The following CARMIL1 variants were observed in gnomAD, a reference collection of about 807,000 sequenced individuals.
CARMIL1 encodes capping protein regulator and myosin 1 linker 1.
Under a neutral mutation model 177.1 loss-of-function variants are expected in CARMIL1, and 90 were observed. The ratio of observed to expected loss-of-function variants is 0.51; its 90% CI spans 0.43 to 0.61. The LOEUF (loss-of-function observed/expected upper bound fraction) is 0.61, where lower values mean the gene tolerates loss of function less well. Ranked by LOEUF, CARMIL1 falls within the 20% of genes least tolerant of loss-of-function variation. The probability of loss-of-function intolerance (pLI) is 0.00; values close to 1 mark genes in which losing one functional copy is unlikely to be tolerated. For missense variants in CARMIL1, 1,380 were observed against 1,667.0 expected (o/e 0.83, Z 3.00); for synonymous variants, 577 against 606.2 (o/e 0.95, Z 0.71).
At chr6:25,373,745 G>C (rs1223725987) in intron 2 of CARMIL1, among the ~76,000 whole-genome samples, 1 of 151,912 alleles carries the variant, frequency 6.6e-6, no homozygotes, top group Non-Finnish European at 1.5e-5. Flanking sequence ...ACTATGCCTG[G>C]CTAATTTTTT....
At chr6:25,561,291 C>A (rs937003200) in intron 29 of CARMIL1, among the ~76,000 whole-genome samples, 1 of 152,110 alleles carries the variant, frequency 6.6e-6, no homozygotes, top group African/African-American at 2.4e-5. Context: ...TAAAAAATAG[C>A]AGAAGTTTGG....
At chr6:25,338,967 A>G (rs377716739) in intron 2 of CARMIL1, among the ~76,000 whole-genome samples, 1 of 152,164 alleles carries the variant, frequency 6.6e-6, no homozygotes, top group East Asian at 1.9e-4. Flanking sequence ...CCTAAAGGCT[A>G]TATTATAGTT....
chr6:25,288,175 C>T (rs1043750319), intron 2 of CARMIL1, among the ~76,000 whole-genome samples: 8 of 152,034 alleles, frequency 5.3e-5, no homozygotes, highest in Admixed American at 3.9e-4. Context: ...GTTAGCCAAG[C>T]GAAGAGAGTG....
intron 2 of CARMIL1, among the ~76,000 whole-genome samples, chr6:25,341,773 A>G (rs79566568): frequency 0.15 from 22,634 of 152,244 alleles, 1,885 homozygotes; most frequent in East Asian, 0.27. Flanking sequence ...TGGAGAAGTA[A>G]TAAGACAGAC....
intron 12 of CARMIL1, among the ~76,000 whole-genome samples, chr6:25,487,083 C>A (rs1297906719): frequency 1.3e-5 from 2 of 152,138 alleles, no homozygotes; most frequent in South Asian, 4.1e-4. Context: ...GTATACCCAC[C>A]CAAATGTGCG....
In CARMIL1 at chr6:25,544,642, CACA is replaced by C. The variant is rs1562270831; in HGVS notation, c.2328+4565_2328+4567del. 3.1e-3 allele frequency among the ~76,000 whole-genome samples: 460 copies of C among 148,726 alleles called. 3 individuals carry two copies. Among genetic ancestry groups the C allele is most frequent in the Middle Eastern group, 6.8e-3 (2 of 294 alleles). On this transcript the variant is annotated intron_variant, in intron 26 of 36. Transcript: ENST00000329474. ...ACACACACACACACACACACACACACACACCCCAAACACTAAAGGATATACTTT... is the reference window on the plus strand; with the variant it reads ...ACACACACACACACACACACACACACCCCCAAACACTAAAGGATATACTTT...
chr6:25,384,561 G>T (rs1287857114), intron 2 of CARMIL1, among the ~76,000 whole-genome samples: 1 of 152,240 alleles, frequency 6.6e-6, no homozygotes, highest in Non-Finnish European at 1.5e-5. Context: ...GGTCCACTCA[G>T]TGGAAGCTGT....
In CARMIL1 at chr6:25,461,327, C is replaced by G. The variant is rs566204548; in HGVS notation, c.615-4546C>G. ...CCTCCTAAGTGTAGCTTTCAAGCCTCATTTCTAAGTGCTAAGTGTTCTGGT... is the reference window on the plus strand; with the variant it reads ...CCTCCTAAGTGTAGCTTTCAAGCCTGATTTCTAAGTGCTAAGTGTTCTGGT... On this transcript the variant is annotated intron_variant, in intron 8 of 36. Transcript: ENST00000329474. Among the ~76,000 whole-genome samples the G allele has an allele frequency of 9.9e-4, 151 of 152,332 alleles. 2 individuals carry two copies. The highest frequency in any genetic ancestry group is 3.5e-3 in the African/African-American group (146 of 41,580).
At chr6:25,287,986 G>A (rs1043800408) in intron 2 of CARMIL1, among the ~76,000 whole-genome samples, 3 of 152,166 alleles carry the variant, frequency 2.0e-5, no homozygotes, top group African/African-American at 7.2e-5. Flanking sequence ...CATGGGACTC[G>A]AAGCTTACAG....
chr6:25,459,366 G>T, intron 8 of CARMIL1, among the ~76,000 whole-genome samples: 1 of 148,590 alleles, frequency 6.7e-6, no homozygotes, highest in Non-Finnish European at 1.5e-5. Context: ...TGGGACTACA[G>T]GCATGTACCA....
chr6:25,599,491 G>A (rs1451457222), intron 32 of CARMIL1, among the ~76,000 whole-genome samples: 1 of 152,128 alleles, frequency 6.6e-6, no homozygotes. Flanking sequence ...AGTTGTCTGT[G>A]ATACTTCCTA....
At chr6:25,450,756 C>T (rs775649484) in intron 8 of CARMIL1, 45 bp downstream of exon 8, 23 of 467,632 alleles carry the variant, frequency 4.9e-5, no homozygotes, top group Middle Eastern at 1.2e-3. Context: ...CCCTCCCTTC[C>T]TCCCTCCCTT....
At chr6:25,578,353 A>G (rs762628568) in intron 29 of CARMIL1, among the ~76,000 whole-genome samples, 2 of 152,188 alleles carry the variant, frequency 1.3e-5, no homozygotes, top group East Asian at 1.9e-4. Flanking sequence ...CATCAACCCA[A>G]CAGTTGGGGA....
At chr6:25,353,883 A>T (rs1788331097) in intron 2 of CARMIL1, among the ~76,000 whole-genome samples, 1 of 152,170 alleles carries the variant, frequency 6.6e-6, no homozygotes, top group African/African-American at 2.4e-5. Context: ...TTAGTCTAAG[A>T]GTGCTTCTCC....
chr6:25,510,725 T>C lies in CARMIL1; in HGVS notation c.1595T>C (p.Leu532Ser). The change falls in exon 20 of 37, where the codon TTG becomes TCG. Residue 532 changes from leucine (L) to serine (S), a missense_variant. By Grantham distance (145) the Leu-to-Ser change is moderately radical (BLOSUM62 -2). Coordinates refer to ENST00000329474, the MANE Select transcript of CARMIL1 (RefSeq NM_017640.6). ...NMKSKNLTPVLDNLVQMIQDE... is the reference protein window; with the variant it reads ...NMKSKNLTPVSDNLVQMIQDE... ...CTCTTTAGAAATCTGACACCTGTATTGGACAACTTAGTACAGATGATTCAA... is the reference window on the plus strand; with the variant it reads ...CTCTTTAGAAATCTGACACCTGTATCGGACAACTTAGTACAGATGATTCAA... The C allele has an allele frequency of 6.5e-7, 1 of 1,549,098 alleles. No individual in the cohort carries two copies. Among genetic ancestry groups the C allele is most frequent in the Non-Finnish European group, 8.7e-7 (1 of 1,143,124 alleles).
At chr6:25,586,238 C>T (rs1199513095) in intron 31 of CARMIL1, among the ~76,000 whole-genome samples, 6 of 145,526 alleles carry the variant, frequency 4.1e-5, no homozygotes, top group African/African-American at 7.8e-5. Flanking sequence ...ACTTCTCAGA[C>T]GGGGTGGCCG....
At chr6:25,354,093 A>G (rs985965794) in intron 2 of CARMIL1, among the ~76,000 whole-genome samples, 1 of 152,208 alleles carries the variant, frequency 6.6e-6, no homozygotes, top group African/African-American at 2.4e-5. Flanking sequence ...AAGGCTGAGA[A>G]ACTCTGGACT....
At chr6:25,339,002 A>G (rs1339665663) in intron 2 of CARMIL1, among the ~76,000 whole-genome samples, 13 of 149,756 alleles carry the variant, frequency 8.7e-5, no homozygotes, top group Admixed American at 8.7e-4. Flanking sequence ...ACATTCTATG[A>G]ATGAAAAAAA....
At chr6:25,429,534 T>C (rs6456681) in intron 4 of CARMIL1, among the ~76,000 whole-genome samples, 52,626 of 152,036 alleles carry the variant, frequency 0.35, 9,290 homozygotes, top group Middle Eastern at 0.39. Context: ...GCAAATCTTC[T>C]TGTCTTTTTC....
Sources: allele counts gnomAD v4.1 joint callset (sites outside exome capture counted in the v4.1 genomes callset), GRCh38; gene constraint gnomAD v4.1.1; transcripts MANE v1.5; gene names NCBI Gene and HGNC (gene_info 2026-07-23, HGNC 2026-07-21).